Variants in UST observed in about 807,000 individuals in gnomAD.
The protein encoded by UST is uronyl 2-sulfotransferase, also known as chondroitin sulfate 2-O-sulfotransferase.
A neutral mutation model predicts 45.6 loss-of-function variants in UST; 21 were observed. That is an observed-to-expected ratio of 0.46 (90% CI 0.33 to 0.66). The LOEUF is 0.66. Among genes scored for constraint, UST ranks in the 30% least tolerant of loss-of-function variants. The pLI, the probability that UST is intolerant of heterozygous loss-of-function variation, is 0.02. For missense variants in UST, 463 were observed against 512.4 expected, an observed-to-expected ratio of 0.90 and a Z score of 0.93; for synonymous variants, 215 against 200.6, an observed-to-expected ratio of 1.07 and a Z score of -0.61.
At chr6:148,878,570 GGGGGGTCGTGTATGAGTGC>G (rs1562286624) in intron 1 of UST, among the ~76,000 whole-genome samples, 3 of 111,636 alleles carry the variant, frequency 2.7e-5, no homozygotes, top group East Asian at 3.1e-4. Context: ...TGTATGAGTA[GGGGGGTCGTGTATGAGTGC>G]GGGGGTCGTG....
intron 1 of UST, among the ~76,000 whole-genome samples, chr6:148,856,440 T>C (rs1778207035): frequency 6.6e-6 from 1 of 152,228 alleles, no homozygotes; most frequent in Admixed American, 6.5e-5. Context: ...TAAAATGTTA[T>C]ATATCAAAGT....
chr6:149,003,952 C>T (rs2185248), intron 5 of UST, among the ~76,000 whole-genome samples: 43,349 of 152,090 alleles, frequency 0.29, 6,313 homozygotes, highest in Middle Eastern at 0.35. Flanking sequence ...GGAATTGACA[C>T]GCTTTGCTGG....
intron 1 of UST, among the ~76,000 whole-genome samples, chr6:148,780,861 T>C (rs1232067641): frequency 2.0e-5 from 3 of 152,222 alleles, no homozygotes; most frequent in African/African-American, 7.2e-5. Flanking sequence ...TGAATGATCT[T>C]TGGTGTTACT....
intron 1 of UST, among the ~76,000 whole-genome samples, chr6:148,778,404 G>T (rs1776575106): frequency 1.3e-5 from 2 of 152,218 alleles, no homozygotes; most frequent in African/African-American, 4.8e-5. Context: ...TTGACTAAAG[G>T]ACTGAAAGTC....
At chr6:148,990,959 G>A (rs1177086701) in intron 5 of UST, among the ~76,000 whole-genome samples, 2 of 152,120 alleles carry the variant, frequency 1.3e-5, no homozygotes, top group African/African-American at 4.8e-5. Context: ...ACTCTCCTAA[G>A]CCCTGGAACA....
At chr6:148,765,336 G>T (rs975063119) in intron 1 of UST, among the ~76,000 whole-genome samples, 18 of 152,036 alleles carry the variant, frequency 1.2e-4, no homozygotes, top group African/African-American at 4.1e-4. Flanking sequence ...GTCTGTTTTT[G>T]TACCAGTACC....
At chr6:148,867,523 A>T (rs1050074116) in intron 1 of UST, among the ~76,000 whole-genome samples, 4 of 152,032 alleles carry the variant, frequency 2.6e-5, no homozygotes, top group Middle Eastern at 3.2e-3. Context: ...TCATCTTGAG[A>T]TTGGGTGGGA....
At chr6:149,024,253 C>G (rs1306539339) in intron 7 of UST, among the ~76,000 whole-genome samples, 1 of 152,232 alleles carries the variant, frequency 6.6e-6, no homozygotes, top group Non-Finnish European at 1.5e-5. Context: ...CAAGAGGGAT[C>G]TTCAGGACCC....
chr6:148,855,323 C>T (rs377569103), intron 1 of UST, among the ~76,000 whole-genome samples: 6 of 152,316 alleles, frequency 3.9e-5, no homozygotes, highest in African/African-American at 1.2e-4. Context: ...TTGTTATCTC[C>T]TCTCATAGTG....
intron 7 of UST, among the ~76,000 whole-genome samples, chr6:149,039,309 C>T (rs1199270230): frequency 6.6e-6 from 1 of 152,166 alleles, no homozygotes; most frequent in Non-Finnish European, 1.5e-5. Flanking sequence ...TCACCGCAAC[C>T]TTCGCCTCTC....
At chr6:148,938,817 A>G (rs1780068402) in intron 2 of UST, among the ~76,000 whole-genome samples, 1 of 151,344 alleles carries the variant, frequency 6.6e-6, no homozygotes, top group African/African-American at 2.4e-5. Flanking sequence ...CAAAATAGAT[A>G]AACAGTAGTA....
Position 149,074,125 on chromosome 6 carries a change from T to G in UST, c.*9T>G. ...ATATTTATAAGAGGTGATGTGACTGTGTTGCCTCTATGGCTTTATCTCCCT... is the reference window on the plus strand; with the variant it reads ...ATATTTATAAGAGGTGATGTGACTGGGTTGCCTCTATGGCTTTATCTCCCT... On this transcript the variant is annotated 3_prime_UTR_variant, in exon 8 of 8. Transcript: ENST00000367463. The G allele has an allele frequency of 6.2e-7, 1 of 1,612,142 alleles. No individual in the cohort carries two copies. The highest frequency in any genetic ancestry group is 8.5e-7 in the Non-Finnish European group (1 of 1,178,358).
At chr6:148,753,995 A>ATTTTTTTTTTT (rs1276566371) in intron 1 of UST, among the ~76,000 whole-genome samples, 1 of 137,830 alleles carries the variant, frequency 7.3e-6, no homozygotes. Context: ...CATTTTGCTG[A>ATTTTTTTTTTT]TTTTTTTTTT....
chr6:148,912,653 G>T (rs1779498565), intron 2 of UST, among the ~76,000 whole-genome samples: 1 of 152,196 alleles, frequency 6.6e-6, no homozygotes, highest in South Asian at 2.1e-4. Context: ...TCATATTTTG[G>T]CAACAAATGA....
intron 7 of UST, among the ~76,000 whole-genome samples, chr6:149,043,603 T>C (rs537001982): frequency 6.6e-6 from 1 of 152,356 alleles, no homozygotes; most frequent in Admixed American, 6.5e-5. Context: ...GGTGGGAGCC[T>C]TGATGTGGAC....
At chr6:149,007,638 A>G (rs11755470) in intron 5 of UST, among the ~76,000 whole-genome samples, 32,983 of 149,784 alleles carry the variant, frequency 0.22, 3,620 homozygotes, top group Non-Finnish European at 0.24. Flanking sequence ...TGGCCAGACT[A>G]GTCTTGAACT....
chr6:148,753,157 A>G (rs959106268), intron 1 of UST, among the ~76,000 whole-genome samples: 16 of 152,210 alleles, frequency 1.1e-4, no homozygotes, highest in South Asian at 2.1e-4. Context: ...TTCATATACC[A>G]TATAATTCAC....
intron 7 of UST, among the ~76,000 whole-genome samples, chr6:149,067,750 T>C (rs1776762222): frequency 6.6e-6 from 1 of 152,160 alleles, no homozygotes; most frequent in Non-Finnish European, 1.5e-5. Flanking sequence ...CTGAGTGAAA[T>C]CATAAGAGCC....
chr6:148,804,682 A>T (rs1777114358), intron 1 of UST, among the ~76,000 whole-genome samples: 1 of 152,158 alleles, frequency 6.6e-6, no homozygotes, highest in East Asian at 1.9e-4. Context: ...TTTATGTGAG[A>T]ATATCATATA....
Sources: allele counts gnomAD v4.1 joint callset (sites outside exome capture counted in the v4.1 genomes callset), GRCh38; gene constraint gnomAD v4.1.1; transcripts MANE v1.5; gene names NCBI Gene and HGNC (gene_info 2026-07-23, HGNC 2026-07-21).